Variants in PRICKLE2 observed in about 807,000 individuals in gnomAD.
PRICKLE2 encodes prickle planar cell polarity protein 2.
PRICKLE2 carries 21 observed loss-of-function variants against 81.4 expected under a neutral mutation model. The observed-to-expected ratio is 0.26, with a 90% CI of 0.18 to 0.37. The LOEUF (loss-of-function observed/expected upper bound fraction) is 0.37. Ranked by LOEUF, PRICKLE2 falls within the 10% of genes least tolerant of loss-of-function variation. The probability of loss-of-function intolerance (pLI) is 1.00; values close to 1 mark genes in which losing one functional copy is unlikely to be tolerated. For missense variants in PRICKLE2, 940 were observed against 1,109.0 expected (o/e 0.85, Z 2.16); for synonymous variants, 456 against 421.5 (o/e 1.08, Z -1.00).
chr3:64,177,791 T>C (rs534580256), intron 2 of PRICKLE2, among the ~76,000 whole-genome samples: 13 of 152,360 alleles, frequency 8.5e-5, no homozygotes, highest in South Asian at 8.3e-4. Context: ...ACATTTTGTT[T>C]ATCCATTTTT....
At chr3:64,240,062 G>A (rs1168330669) in intron 2 of PRICKLE2, among the ~76,000 whole-genome samples, 1 of 151,938 alleles carries the variant, frequency 6.6e-6, no homozygotes, top group African/African-American at 2.4e-5. Context: ...GGTCGAGGCT[G>A]CAGGGAGCTG....
chr3:64,141,436 G>C (rs889080535), intron 7 of PRICKLE2, among the ~76,000 whole-genome samples: 2 of 152,188 alleles, frequency 1.3e-5, no homozygotes, highest in Non-Finnish European at 2.9e-5. Flanking sequence ...AAAACATCCA[G>C]TCCATATAAA....
Position 64,205,299 on chromosome 3 carries a change from T to C in PRICKLE2, c.-40-6332A>G, listed in dbSNP as rs539167031. 4.9e-4 allele frequency among the ~76,000 whole-genome samples: 74 copies of C among 152,286 alleles called. 1 individual carries two copies. In the South Asian group the frequency reaches 0.014, roughly 29 times the overall value. ...ACCCCAAAGTTGCAGCATTAAATCA[T>C]GGCTTCCGTATCTCAGCAGCCATAA... On this transcript the variant is annotated intron_variant, in intron 1 of 7. Transcript: ENST00000638394.
At chr3:64,227,825 T>A (rs696237), upstream of PRICKLE2, among the ~76,000 whole-genome samples, 17,800 of 152,252 alleles carry the variant, frequency 0.12, 1,396 homozygotes, top group East Asian at 0.4. Flanking sequence ...GAAACAATCA[T>A]GCTTCCACCA....
chr3:64,156,874 G>A (rs2077643976), intron 5 of PRICKLE2, among the ~76,000 whole-genome samples: 1 of 151,980 alleles, frequency 6.6e-6, no homozygotes, highest in South Asian at 2.1e-4. Flanking sequence ...TTGTTTTTAG[G>A]GTTCTGAACT....
chr3:64,190,696 C>A (rs2078317309), intron 2 of PRICKLE2, among the ~76,000 whole-genome samples: 1 of 152,174 alleles, frequency 6.6e-6, no homozygotes, highest in African/African-American at 2.4e-5. Flanking sequence ...TGCCAAGAAG[C>A]CCATAGCCAA....
Position 64,095,159 on chromosome 3 carries a change from T to A in PRICKLE2, c.*3892A>T, listed in dbSNP as rs1477757278. 1 of 152,262 alleles carries A rather than the reference T, an allele frequency of 6.6e-6. No homozygotes were observed. Among genetic ancestry groups the A allele is most frequent in the Non-Finnish European group, 1.5e-5 (1 of 68,032 alleles). The allele number at this position is 152,262 out of a possible 1,614,324, so 9.4% of individuals were successfully genotyped here. ...TCTGCAAAATGAAGACTGCCTATAGTAATTGGCAGAGAACATGAAAATGGC... is the reference window on the plus strand; with the variant it reads ...TCTGCAAAATGAAGACTGCCTATAGAAATTGGCAGAGAACATGAAAATGGC... On this transcript the variant is annotated 3_prime_UTR_variant, in exon 8 of 8. Coordinates refer to ENST00000638394, the MANE Select transcript of PRICKLE2 (RefSeq NM_198859.4).
intron 1 of PRICKLE2, among the ~76,000 whole-genome samples, chr3:64,215,671 C>T (rs2078860511): frequency 6.6e-6 from 1 of 152,142 alleles, no homozygotes; most frequent in African/African-American, 2.4e-5. Context: ...TGTGATTCAA[C>T]TACATGACGA....
At chr3:64,248,491 A>G (rs536221279) in intron 2 of PRICKLE2, among the ~76,000 whole-genome samples, 16 of 152,284 alleles carry the variant, frequency 1.1e-4, no homozygotes, top group Middle Eastern at 3.4e-3. Flanking sequence ...CTCTTAAACC[A>G]AAAAAGGTCA....
chr3:64,266,201 G>GAA (rs5849582), intron 2 of PRICKLE2, among the ~76,000 whole-genome samples: 3 of 146,686 alleles, frequency 2.0e-5, no homozygotes, highest in African/African-American at 7.6e-5. Context: ...CACCGCAAAA[G>GAA]AAAAAAAAAA....
chr3:64,233,789 C>A (rs963801506), intron 2 of PRICKLE2, among the ~76,000 whole-genome samples: 1 of 152,156 alleles, frequency 6.6e-6, no homozygotes, highest in Non-Finnish European at 1.5e-5. Context: ...TTAAAACTTT[C>A]TTCAATCCAA....
At chr3:64,103,701 C>T (rs1417273529) in intron 7 of PRICKLE2, among the ~76,000 whole-genome samples, 3 of 152,136 alleles carry the variant, frequency 2.0e-5, no homozygotes, top group Non-Finnish European at 2.9e-5. Context: ...AACGTTTGGC[C>T]AGGTGTGGTG....
intron 1 of PRICKLE2, among the ~76,000 whole-genome samples, chr3:64,206,041 T>C (rs1248792028): frequency 6.6e-6 from 1 of 152,242 alleles, no homozygotes; most frequent in East Asian, 1.9e-4. Context: ...ATATAGAGGC[T>C]ATTAACGGCT....
At position 64,099,713 on chromosome 3, in the gene PRICKLE2, T is replaced by C; in HGVS notation, c.1873A>G (p.Ser625Gly). ...AGGTCTCTGTAGCCAATGGGGTTGC[T>C]GAGCTGGTGGAGGTTTCCCTCCATC... The part of the protein sequence containing the change: ...QEMEGNLHQL[S>G]NPIGYRDLQS... Residue 625 changes from serine (S) to glycine (G), a missense_variant, in exon 8 of 8, where the codon AGC becomes GGC. Around this residue, in one of 2 missense-constraint regions of PRICKLE2, gnomAD observed 670 missense variants for 717.2 expected, o/e 0.93. Transcript: ENST00000638394. The surrounding 1 kb of genome is among the most constrained non-coding windows in gnomAD (Gnocchi z 4.3). The C allele has an allele frequency of 6.2e-7, 1 of 1,614,224 alleles. No individual in the cohort carries two copies. Among genetic ancestry groups the C allele is most frequent in the Non-Finnish European group, 8.5e-7 (1 of 1,180,042 alleles).
At chr3:64,226,561 G>T (rs1052112180), upstream of PRICKLE2, among the ~76,000 whole-genome samples, 2 of 152,186 alleles carry the variant, frequency 1.3e-5, no homozygotes, top group Non-Finnish European at 2.9e-5. Context: ...GGCCTTATGG[G>T]CTACTGCAAT....
chr3:64,220,696 C>A (rs1400736848), intron 1 of PRICKLE2, among the ~76,000 whole-genome samples: 1 of 152,142 alleles, frequency 6.6e-6, no homozygotes, highest in Non-Finnish European at 1.5e-5. Context: ...TCAAACGAGG[C>A]CAGCCCTGAT....
intron 7 of PRICKLE2, among the ~76,000 whole-genome samples, chr3:64,115,270 C>T (rs1370115588): frequency 1.3e-5 from 2 of 152,166 alleles, no homozygotes; most frequent in Non-Finnish European, 2.9e-5. Flanking sequence ...AGACCAGTGT[C>T]ACTGTAAAGA....
chr3:64,127,346 G>A (rs753781331), intron 7 of PRICKLE2, among the ~76,000 whole-genome samples: 24 of 152,058 alleles, frequency 1.6e-4, no homozygotes, highest in Non-Finnish European at 2.8e-4. Flanking sequence ...CTTTGTCCAC[G>A]GTCACTCTCC....
intron 7 of PRICKLE2, among the ~76,000 whole-genome samples, chr3:64,136,215 G>T (rs1287727855): frequency 6.6e-6 from 1 of 151,876 alleles, no homozygotes; most frequent in South Asian, 2.1e-4. Context: ...CTAGACTCAG[G>T]GCTAAGAGAA....
Sources: allele counts gnomAD v4.1 joint callset (sites outside exome capture counted in the v4.1 genomes callset), GRCh38; gene constraint gnomAD v4.1.1; regional missense constraint gnomAD v4.1.1; non-coding constraint Gnocchi (gnomAD v3.1); transcripts MANE v1.5; gene names NCBI Gene and HGNC (gene_info 2026-07-23, HGNC 2026-07-21).